Variants in CSMD3 observed in about 807,000 individuals in gnomAD.
The protein encoded by CSMD3 is CUB and sushi domain-containing protein 3.
CSMD3 carries 177 observed loss-of-function variants against 435.2 expected under a neutral mutation model. That is an observed-to-expected ratio of 0.41 (90% confidence interval 0.36 to 0.46). The LOEUF (loss-of-function observed/expected upper bound fraction) is 0.46. Ranked by LOEUF, CSMD3 falls within the 20% of genes least tolerant of loss-of-function variation. The probability of loss-of-function intolerance (pLI) is 0.34; values close to 1 mark genes in which losing one functional copy is unlikely to be tolerated. For missense variants in CSMD3, 4,265 were observed against 4,504.6 expected, an observed-to-expected ratio of 0.95 and a Z score of 1.52; for synonymous variants, 1,656 against 1,520.5, an observed-to-expected ratio of 1.09 and a Z score of -2.07.
chr8:112,998,938 C>A (rs890572918), intron 6 of CSMD3, among the ~76,000 whole-genome samples: 2 of 152,014 alleles, frequency 1.3e-5, no homozygotes, highest in African/African-American at 4.8e-5. Flanking sequence ...GCCACACTTT[C>A]TGTACAGCCT....
In CSMD3 at chr8:112,241,724, T is replaced by G. The variant is rs1377245012; in HGVS notation, c.10464A>C (p.Leu3488=). Residue 3488 remains leucine (L), a synonymous_variant, in exon 66 of 71, where the codon CTA becomes CTC. Coordinates refer to ENST00000297405, the MANE Select transcript of CSMD3 (RefSeq NM_198123.2). ...AAAACAAATGACATTACTAACCACT[T>G]AGCTTTGGGCTGGGTGTTCCCAGTG... ...RPALGTPSPK[L]SVPDDVFAQN... is the part of the protein sequence containing the mutation. 20 of 1,609,598 alleles carry G rather than the reference T, an allele frequency of 1.2e-5. No individual in the cohort carries two copies. The highest frequency in any genetic ancestry group is 1.6e-4 in the Middle Eastern group (1 of 6,070).
intron 13 of CSMD3, among the ~76,000 whole-genome samples, chr8:112,779,165 G>A (rs1340081458): frequency 7.5e-6 from 1 of 133,120 alleles, no homozygotes; most frequent in Non-Finnish European, 1.6e-5. Context: ...GCAAAGATGT[G>A]TGTGTGTGTG....
intron 3 of CSMD3, among the ~76,000 whole-genome samples, chr8:113,258,089 A>T (rs1050548727): frequency 3.9e-5 from 6 of 152,210 alleles, no homozygotes; most frequent in Non-Finnish European, 8.8e-5. Flanking sequence ...ATGACAAAAT[A>T]AAAAATGATA....
intron 3 of CSMD3, among the ~76,000 whole-genome samples, chr8:113,218,383 A>C (rs2132115871): frequency 6.6e-6 from 1 of 150,834 alleles, no homozygotes; most frequent in South Asian, 2.1e-4. Flanking sequence ...ATCTAAAAAT[A>C]TCTGAAACCA....
intron 6 of CSMD3, among the ~76,000 whole-genome samples, chr8:113,006,832 A>T (rs1184961730): frequency 6.6e-6 from 1 of 151,954 alleles, no homozygotes; most frequent in Non-Finnish European, 1.5e-5. Context: ...ATTTAGATGC[A>T]TCCATCTGGA....
At chr8:112,376,123 T>C (rs2131209508) in intron 38 of CSMD3, among the ~76,000 whole-genome samples, 1 of 152,314 alleles carries the variant, frequency 6.6e-6, no homozygotes, top group African/African-American at 2.4e-5. Flanking sequence ...CTGAATTTCC[T>C]AAATGTAGCT....
chr8:112,310,722 T>A (rs945391205), intron 50 of CSMD3: 1 of 535,308 alleles, frequency 1.9e-6, no homozygotes, highest in Non-Finnish European at 3.4e-6. Context: ...GGAGGATGTA[T>A]GAATAAAGTA....
intron 13 of CSMD3, among the ~76,000 whole-genome samples, chr8:112,788,654 C>A (rs922806787): frequency 6.6e-6 from 1 of 151,754 alleles, no homozygotes; most frequent in African/African-American, 2.4e-5. Flanking sequence ...TACAATGTAC[C>A]CTATCCCCTT....
intron 35 of CSMD3, among the ~76,000 whole-genome samples, chr8:112,392,864 C>CTTTTTTTTTTTTT (rs56809581): frequency 2.5e-5 from 3 of 122,168 alleles, no homozygotes; most frequent in Non-Finnish European, 1.7e-5. Flanking sequence ...TCTTTTTTTT[C>CTTTTTTTTTTTTT]TTTTTTTTTT....
At chr8:113,321,829 G>C (rs952624734) in intron 1 of CSMD3, among the ~76,000 whole-genome samples, 3 of 152,062 alleles carry the variant, frequency 2.0e-5, no homozygotes, top group South Asian at 4.1e-4. Flanking sequence ...CATTTAACTT[G>C]TAAATTTCAC....
rs781779613 is a variant in CSMD3 at position 112,319,923 on chromosome 8, C to G, written c.7224G>C (p.Thr2408=). The G allele has an allele frequency of 1.2e-6, 2 of 1,611,542 alleles. No individual in the cohort carries two copies. The change falls in exon 46 of 71, where the codon ACG becomes ACC. Residue 2408 remains threonine (T), a synonymous_variant. Coordinates refer to ENST00000297405, the MANE Select transcript of CSMD3 (RefSeq NM_198123.2). ...TACCTATTTCAAATTCATCATCTTC[C>G]GTCAAAATTTCAGCATTGGGCACAG... ...PPPVPNAEIL[T]EDDEFEIGDI... is the part of the protein sequence containing the mutation.
chr8:112,892,040 A>G (rs73702248), intron 10 of CSMD3, among the ~76,000 whole-genome samples: 1,574 of 151,674 alleles, frequency 0.01, 36 homozygotes, highest in African/African-American at 0.036. Context: ...ATATGAATGA[A>G]TACTATATGT....
At chr8:113,196,680 A>G (rs1366552385) in intron 3 of CSMD3, among the ~76,000 whole-genome samples, 2 of 151,244 alleles carry the variant, frequency 1.3e-5, no homozygotes, top group Non-Finnish European at 3.0e-5. Context: ...CTAGAGAAAA[A>G]AAAGTCTTGA....
intron 17 of CSMD3, among the ~76,000 whole-genome samples, chr8:112,659,992 G>C (rs1316645652): frequency 6.6e-6 from 1 of 152,030 alleles, no homozygotes. Context: ...TATATTATCT[G>C]ATTTTTACAA....
chr8:113,288,702 A>C (rs952513066), intron 2 of CSMD3, among the ~76,000 whole-genome samples: 1 of 151,850 alleles, frequency 6.6e-6, no homozygotes, highest in Admixed American at 6.6e-5. Flanking sequence ...ATATTTTTCT[A>C]AGGTTTCTAA....
intron 3 of CSMD3, among the ~76,000 whole-genome samples, chr8:113,272,784 T>C (rs1045301674): frequency 6.6e-6 from 1 of 152,182 alleles, no homozygotes; most frequent in Non-Finnish European, 1.5e-5. Context: ...GGAACTATTT[T>C]CATTCTACTT....
At chr8:112,296,913 A>C (rs1820348758) in intron 53 of CSMD3, among the ~76,000 whole-genome samples, 1 of 152,006 alleles carries the variant, frequency 6.6e-6, no homozygotes, top group Non-Finnish European at 1.5e-5. Context: ...ATCACTATAA[A>C]GCCTTAAGAA....
At chr8:113,354,875 G>A (rs1382314497) in intron 1 of CSMD3, among the ~76,000 whole-genome samples, 3 of 152,038 alleles carry the variant, frequency 2.0e-5, no homozygotes, top group Non-Finnish European at 4.4e-5. Context: ...CTGGGCCCAA[G>A]CACTCCACCG....
In CSMD3 at chr8:113,150,303, T is replaced by C. The variant is rs549080933; in HGVS notation, c.709+23419A>G. On this transcript the variant is annotated intron_variant, in intron 4 of 70. Transcript: ENST00000297405. Reference sequence around the variant, plus strand: ...TTAAATTTAGGAAAAAGATTATCCTTGGTGGGCCTGATCTAATCAGGTGAG... The same window carrying C: ...TTAAATTTAGGAAAAAGATTATCCTCGGTGGGCCTGATCTAATCAGGTGAG... Among the ~76,000 whole-genome samples the C allele has an allele frequency of 2.0e-5, 3 of 152,074 alleles. No homozygotes were observed. In the East Asian group the frequency reaches 5.8e-4, roughly 30 times the overall value.
Sources: gnomAD v4.1 joint callset for allele counts (sites outside exome capture counted in the v4.1 genomes callset) on GRCh38, gnomAD v4.1.1 for gene constraint, MANE v1.5 for transcripts, NCBI Gene and HGNC (gene_info 2026-07-23, HGNC 2026-07-21) for gene names.